The following CDH18 variants were observed in gnomAD, a reference collection of about 807,000 sequenced individuals.
The protein encoded by CDH18 is cadherin 18.
CDH18 carries 31 observed loss-of-function variants against 67.9 expected under a neutral mutation model. The observed-to-expected ratio is 0.46, with a 90% CI of 0.34 to 0.62. The LOEUF (loss-of-function observed/expected upper bound fraction) is 0.62, where lower values mean the gene tolerates loss of function less well. Among genes scored for constraint, CDH18 ranks in the 20% least tolerant of loss-of-function variants. The probability of loss-of-function intolerance (pLI) is 0.01; values close to 1 mark genes in which losing one functional copy is unlikely to be tolerated. For synonymous variants in CDH18, 362 were observed against 347.2 expected (o/e 1.04, Z -0.48); for missense variants, 890 against 975.5 (o/e 0.91, Z 1.17).
chr5:20,466,912 C>T (rs1388952082), intron 1 of CDH18, among the ~76,000 whole-genome samples: 1 of 152,036 alleles, frequency 6.6e-6, no homozygotes, highest in Non-Finnish European at 1.5e-5. Flanking sequence ...TCATCACCCT[C>T]ATAAAATGAT....
At chr5:20,342,289 T>C (rs1740337991) in intron 1 of CDH18, among the ~76,000 whole-genome samples, 1 of 152,050 alleles carries the variant, frequency 6.6e-6, no homozygotes, top group Non-Finnish European at 1.5e-5. Flanking sequence ...CTGATGAACC[T>C]ATTTTGCCAG....
At chr5:19,918,796 C>T (rs553796402) in intron 2 of CDH18, among the ~76,000 whole-genome samples, 136 of 152,186 alleles carry the variant, frequency 8.9e-4, no homozygotes, top group Admixed American at 2.8e-3. Flanking sequence ...GACACACTTT[C>T]CTTCTAAAAC....
chr5:20,506,298 A>C (rs1754655099), intron 1 of CDH18, among the ~76,000 whole-genome samples: 1 of 152,228 alleles, frequency 6.6e-6, no homozygotes, highest in Non-Finnish European at 1.5e-5. Context: ...TGTGGGGTGC[A>C]TGATGCACTC....
At chr5:19,770,747 T>C (rs1188723607) in intron 3 of CDH18, among the ~76,000 whole-genome samples, 7 of 152,234 alleles carry the variant, frequency 4.6e-5, no homozygotes, top group Admixed American at 4.6e-4. Flanking sequence ...TGGCTGAATT[T>C]CAGAATTGCT....
chr5:19,730,622 A>G (rs1369853091), intron 4 of CDH18, among the ~76,000 whole-genome samples: 1 of 152,196 alleles, frequency 6.6e-6, no homozygotes, highest in African/African-American at 2.4e-5. Context: ...GAATGAAACA[A>G]TATTTGTGTA....
At chr5:20,236,872 T>C (rs895125787) in intron 2 of CDH18, among the ~76,000 whole-genome samples, 1 of 151,946 alleles carries the variant, frequency 6.6e-6, no homozygotes, top group Non-Finnish European at 1.5e-5. Flanking sequence ...CAGACACATA[T>C]ATTACCAGAC....
intron 5 of CDH18, among the ~76,000 whole-genome samples, chr5:19,718,289 A>G (rs1041139950): frequency 3.9e-5 from 6 of 152,142 alleles, no homozygotes; most frequent in African/African-American, 9.6e-5. Flanking sequence ...TTGGTCTTCA[A>G]TGAAAATAAC....
intron 2 of CDH18, among the ~76,000 whole-genome samples, chr5:19,869,745 A>T (rs536575369): frequency 6.6e-6 from 1 of 152,016 alleles, no homozygotes; most frequent in Non-Finnish European, 1.5e-5. Flanking sequence ...TATTTACATT[A>T]TTGGGGCTAA....
chr5:19,835,402 T>C (rs1040015767), intron 3 of CDH18, among the ~76,000 whole-genome samples: 2 of 151,776 alleles, frequency 1.3e-5, no homozygotes, highest in African/African-American at 2.4e-5. Context: ...GACAGGTCAA[T>C]AGGTGCAGCA....
chr5:19,555,535 C>A (rs1475601353), intron 8 of CDH18, among the ~76,000 whole-genome samples: 1 of 152,130 alleles, frequency 6.6e-6, no homozygotes, highest in Non-Finnish European at 1.5e-5. Flanking sequence ...CTATGTGATG[C>A]AGCAGAGAAA....
intron 1 of CDH18, among the ~76,000 whole-genome samples, chr5:20,267,293 T>G (rs1430808762): frequency 2.0e-5 from 3 of 152,184 alleles, no homozygotes; most frequent in African/African-American, 7.2e-5. Flanking sequence ...TTTTTCTATG[T>G]GTTTATTTTT....
intron 8 of CDH18, among the ~76,000 whole-genome samples, chr5:19,564,018 G>A (rs1218553123): frequency 1.3e-5 from 2 of 152,184 alleles, no homozygotes; most frequent in African/African-American, 4.8e-5. Flanking sequence ...AACCTATGGA[G>A]TAAGCCTTTA....
chr5:19,505,089 G>A (rs888822259), intron 10 of CDH18, among the ~76,000 whole-genome samples: 14 of 151,876 alleles, frequency 9.2e-5, no homozygotes, highest in Admixed American at 3.3e-4. Context: ...TTTCAAATGC[G>A]AATTAAACAG....
intron 2 of CDH18, among the ~76,000 whole-genome samples, chr5:20,235,502 C>T (rs1742405978): frequency 6.6e-6 from 1 of 152,020 alleles, no homozygotes; most frequent in African/African-American, 2.4e-5. Context: ...GACATACAAA[C>T]AACGAACAAA....
intron 2 of CDH18, among the ~76,000 whole-genome samples, chr5:20,166,958 T>C (rs531811218): frequency 8.5e-5 from 13 of 152,278 alleles, no homozygotes; most frequent in Non-Finnish European, 1.9e-4. Context: ...ATCTTGTAAT[T>C]ACCTTTAAAA....
chr5:20,501,546 T>TTA (rs372548554), intron 1 of CDH18, among the ~76,000 whole-genome samples: 1,837 of 23,038 alleles, frequency 0.08, 109 homozygotes, highest in African/African-American at 0.15. Context: ...TATATACATA[T>TTA]TATATATATA....
At chr5:20,292,770 C>T (rs1288146709) in intron 1 of CDH18, among the ~76,000 whole-genome samples, 1 of 152,072 alleles carries the variant, frequency 6.6e-6, no homozygotes, top group East Asian at 1.9e-4. Flanking sequence ...CATCACATGG[C>T]ATTCTTCTTC....
At chr5:20,244,057 A>G (rs1038638591) in intron 2 of CDH18, among the ~76,000 whole-genome samples, 4 of 152,186 alleles carry the variant, frequency 2.6e-5, no homozygotes, top group African/African-American at 9.6e-5. Flanking sequence ...TGAGTATTAC[A>G]TAGTATTTAT....
chr5:20,156,675 A>G (rs1359235515), intron 2 of CDH18, among the ~76,000 whole-genome samples: 1 of 152,122 alleles, frequency 6.6e-6, no homozygotes, highest in African/African-American at 2.4e-5. Context: ...ACTAAACACT[A>G]TATCCATGTG....
Sources: allele counts gnomAD v4.1 joint callset (sites outside exome capture counted in the v4.1 genomes callset), GRCh38; gene constraint gnomAD v4.1.1; transcripts MANE v1.5; gene names NCBI Gene and HGNC (gene_info 2026-07-23, HGNC 2026-07-21).